ZBTB46: variants seen among roughly 807,000 people sequenced by gnomAD.
The protein encoded by ZBTB46 is zinc finger and BTB domain-containing protein 46.
A neutral mutation model predicts 44.1 loss-of-function variants in ZBTB46; 8 were observed. The ratio of observed to expected loss-of-function variants is 0.18; its 90% CI spans 0.11 to 0.33. The LOEUF is 0.33. Ranked by LOEUF, ZBTB46 falls within the 10% of genes least tolerant of loss-of-function variation. The pLI, the probability that ZBTB46 is intolerant of heterozygous loss-of-function variation, is 1.00. For missense variants in ZBTB46, 651 were observed against 847.7 expected, an observed-to-expected ratio of 0.77 and a Z score of 2.88; for synonymous variants, 409 against 382.3, an observed-to-expected ratio of 1.07 and a Z score of -0.81.
chr20:63,756,803 T>C (rs2092224463), intron 3 of ZBTB46, among the ~76,000 whole-genome samples: 1 of 152,226 alleles, frequency 6.6e-6, no homozygotes, highest in African/African-American at 2.4e-5. Flanking sequence ...CTTTCTTCAC[T>C]AGATGTGGCC....
Position 63,752,773 on chromosome 20 carries a change from C to G in ZBTB46, c.1311G>C (p.Met437Ile), listed in dbSNP as rs2092181716. The change falls in exon 4 of 5, where the codon ATG becomes ATC. Residue 437 changes from methionine to isoleucine, a missense_variant. Met to Ile is a conservative substitution (Grantham distance 10). Coordinates refer to ENST00000245663, the MANE Select transcript of ZBTB46 (RefSeq NM_001369741.1). The surrounding 1 kb of genome is among the most constrained non-coding windows in gnomAD (Gnocchi z 5.6). ...AMHQCILKRH[M>I]RSHTGERPYP... ...AGGGCCGCTCTCCCGTGTGCGAGCG[C>G]ATGTGTCGCTTGAGGATGCACTGGT... is the stretch of plus-strand genomic sequence containing the variant. 6.2e-7 allele frequency: 1 copy of G among 1,612,948 alleles called. No individual in the cohort carries two copies. Among genetic ancestry groups the G allele is most frequent in the South Asian group, 1.1e-5 (1 of 91,084 alleles).
At chr20:63,747,679 A>C (rs2092118015) in intron 4 of ZBTB46, among the ~76,000 whole-genome samples, 1 of 152,196 alleles carries the variant, frequency 6.6e-6, no homozygotes, top group African/African-American at 2.4e-5. Flanking sequence ...CCCAGCTCCT[A>C]TCAGAGCCAC....
rs2092065034 is a variant in ZBTB46 at position 63,744,162 on chromosome 20, T to A, written c.*2768A>T. 1 of 152,232 alleles carries A rather than the reference T, an allele frequency of 6.6e-6. No individual in the cohort carries two copies. Among genetic ancestry groups the A allele is most frequent in the African/African-American group, 2.4e-5 (1 of 41,458 alleles). The allele number at this position is 152,232 out of a possible 1,614,324, so 9.4% of individuals were successfully genotyped here. On this transcript the variant is annotated 3_prime_UTR_variant, in exon 5 of 5. Transcript: ENST00000245663. ...ATGGCTTTCTTAAGAGTCGCACATG[T>A]CACAGAATGAGCTAAAATAAGATTA... is the stretch of plus-strand genomic sequence containing the variant.
In ZBTB46 at chr20:63,813,061, A is replaced by G. The variant is rs544137636; in HGVS notation, c.-34+18036T>C. On this transcript the variant is annotated intron_variant, in intron 1 of 4. Transcript: ENST00000245663. The stretch of plus-strand genomic sequence containing the variant: ...TGCAGTGAGCCGAGATCGCACCACT[A>G]TACTCCAGCCTGGTGAGAGTGAGAC... 1.6e-4 allele frequency among the ~76,000 whole-genome samples: 24 copies of G among 146,182 alleles called. 1 individual carries two copies. The highest frequency in any genetic ancestry group is 3.4e-3 in the Middle Eastern group (1 of 290).
chr20:63,756,703 T>C (rs1421916522), intron 3 of ZBTB46, among the ~76,000 whole-genome samples: 1 of 152,248 alleles, frequency 6.6e-6, no homozygotes, highest in African/African-American at 2.4e-5. Flanking sequence ...CCCCTAGTTG[T>C]AACCCCCAGA....
chr20:63,796,088 C>A (rs1005458905), intron 1 of ZBTB46, among the ~76,000 whole-genome samples: 1 of 152,198 alleles, frequency 6.6e-6, no homozygotes, highest in Non-Finnish European at 1.5e-5. Context: ...ATCTGAAGAC[C>A]GCGATGAATA....
chr20:63,784,977 T>C lies in ZBTB46; in HGVS notation c.937+4844A>G, dbSNP rs576450616. Among the ~76,000 whole-genome samples the C allele has an allele frequency of 3.3e-5, 5 of 152,300 alleles. No homozygotes were observed. The South Asian group carries it at 8.3e-4, about 25-fold the overall frequency. ...GGCCGGGCGTGGTGGCTCACGCCTG[T>C]CATCCCAGCACTTTGGGAGGCCGAG... is the stretch of plus-strand genomic sequence containing the variant. On this transcript the variant is annotated intron_variant, in intron 2 of 4. Coordinates refer to ENST00000245663, the MANE Select transcript of ZBTB46 (RefSeq NM_001369741.1).
chr20:63,776,682 TA>T (rs1431663303), intron 2 of ZBTB46, among the ~76,000 whole-genome samples: 2 of 151,846 alleles, frequency 1.3e-5, no homozygotes, highest in Non-Finnish European at 2.9e-5. Flanking sequence ...CACGTGCCTG[TA>T]ATCCCAGCTA....
At chr20:63,829,117 T>C (rs1313388113) in intron 1 of ZBTB46, among the ~76,000 whole-genome samples, 1 of 152,164 alleles carries the variant, frequency 6.6e-6, no homozygotes, top group Non-Finnish European at 1.5e-5. Flanking sequence ...GTTCACAGGG[T>C]TTACCTCCTG....
rs546872683 is a variant in ZBTB46, at chr20:63,767,049, A to G, written c.1222+8629T>C. On this transcript the variant is annotated intron_variant, in intron 3 of 4. Transcript: ENST00000245663. The surrounding 1 kb of genome is among the most constrained non-coding windows in gnomAD (Gnocchi z 5.0). ...GCTCTGAATAGAAAGCTGACATTGAACCTAACACGTCCGACGAGGACGGGC... is the reference window on the plus strand; with the variant it reads ...GCTCTGAATAGAAAGCTGACATTGAGCCTAACACGTCCGACGAGGACGGGC... Among the ~76,000 whole-genome samples, 1 of 152,232 alleles carries G rather than the reference A, an allele frequency of 6.6e-6. No homozygotes were observed. The highest frequency in any genetic ancestry group is 1.5e-5 in the Non-Finnish European group (1 of 68,004).
chr20:63,760,677 CG>C (rs1428362995), intron 3 of ZBTB46, among the ~76,000 whole-genome samples: 2 of 151,992 alleles, frequency 1.3e-5, no homozygotes, highest in Non-Finnish European at 2.9e-5. Flanking sequence ...AGGATGGTCT[CG>C]GATCTCCTGA....
chr20:63,768,408 T>C (rs1487825049), intron 3 of ZBTB46, among the ~76,000 whole-genome samples: 4 of 152,124 alleles, frequency 2.6e-5, no homozygotes, highest in Non-Finnish European at 2.9e-5. Flanking sequence ...CTGGCCAACA[T>C]GGTGAAACCT....
chr20:63,785,358 C>T (rs935470831), intron 2 of ZBTB46, among the ~76,000 whole-genome samples: 3 of 151,354 alleles, frequency 2.0e-5, no homozygotes, highest in East Asian at 1.9e-4. Flanking sequence ...GTCAGGAGTT[C>T]GAGACAAGCC....
At chr20:63,813,219 C>T (rs1252556384) in intron 1 of ZBTB46, among the ~76,000 whole-genome samples, 2 of 152,110 alleles carry the variant, frequency 1.3e-5, no homozygotes, top group South Asian at 2.1e-4. Flanking sequence ...GAGGCTGAGG[C>T]GGGTGGATCA....
intron 3 of ZBTB46, among the ~76,000 whole-genome samples, chr20:63,770,012 C>A (rs1261214431): frequency 6.6e-6 from 1 of 152,148 alleles, no homozygotes; most frequent in African/African-American, 2.4e-5. Flanking sequence ...GTGAGCTTCA[C>A]GGGAGGCGGC....
At chr20:63,817,105 CAAAAA>C (rs755836932) in intron 1 of ZBTB46, among the ~76,000 whole-genome samples, 3 of 128,312 alleles carry the variant, frequency 2.3e-5, no homozygotes, top group Admixed American at 8.0e-5. Context: ...AACTCAGTCT[CAAAAA>C]AAAAAAGAAA....
intron 1 of ZBTB46, among the ~76,000 whole-genome samples, chr20:63,820,125 G>A (rs543064247): frequency 2.0e-5 from 3 of 151,104 alleles, no homozygotes; most frequent in East Asian, 3.9e-4. Context: ...ACGAAGTCTC[G>A]CTCTGTCACC....
intron 2 of ZBTB46, among the ~76,000 whole-genome samples, chr20:63,776,219 A>AAC (rs2092424734): frequency 6.6e-6 from 1 of 152,222 alleles, no homozygotes; most frequent in Non-Finnish European, 1.5e-5. Context: ...CTCAACTCAG[A>AAC]ACAACGGGGT....
chr20:63,831,709 T>C (rs1451482909), upstream of ZBTB46, among the ~76,000 whole-genome samples: 2 of 149,864 alleles, frequency 1.3e-5, no homozygotes, highest in Admixed American at 1.3e-4. Context: ...CCCGCTCCCT[T>C]CCCGGGCCGC....
Sources: allele counts gnomAD v4.1 joint callset (sites outside exome capture counted in the v4.1 genomes callset), GRCh38; gene constraint gnomAD v4.1.1; non-coding constraint Gnocchi (gnomAD v3.1); transcripts MANE v1.5; gene names NCBI Gene and HGNC (gene_info 2026-07-23, HGNC 2026-07-21).